The following MSI2 variants were observed in gnomAD, a reference collection of about 807,000 sequenced individuals.
MSI2 encodes the protein RNA-binding protein Musashi homolog 2.
In MSI2, 17 loss-of-function variants were observed where a neutral mutation model predicts 45.6. That is an observed-to-expected ratio of 0.37 (90% confidence interval 0.26 to 0.56). The LOEUF (loss-of-function observed/expected upper bound fraction) is 0.56. Ranked by LOEUF, MSI2 falls within the 20% of genes least tolerant of loss-of-function variation. The pLI, the probability that MSI2 is intolerant of heterozygous loss-of-function variation, is 0.77. For synonymous variants in MSI2, 156 were observed against 158.2 expected (o/e 0.99, Z 0.11); for missense variants, 293 against 444.2 (o/e 0.66, Z 3.06).
intron 7 of MSI2, among the ~76,000 whole-genome samples, chr17:57,539,907 C>T (rs1202647118): frequency 6.6e-6 from 1 of 152,178 alleles, no homozygotes; most frequent in Non-Finnish European, 1.5e-5. Context: ...ACGTGGGGAC[C>T]TTACACAGCG....
rs1340013401 is a variant in MSI2, at chr17:57,684,425, AT to A, written c.*4909del. On this transcript the variant is annotated 3_prime_UTR_variant, in exon 14 of 14. Coordinates refer to ENST00000284073, the MANE Select transcript of MSI2 (RefSeq NM_138962.4). The stretch of plus-strand genomic sequence containing the variant: ...AACTTTGGTAGTGAGTATTTTTTTT[AT>A]ATATATACATATATATGTACTATCT... 2 of 124,402 alleles carry A rather than the reference AT, an allele frequency of 1.6e-5. No homozygotes were observed. The highest frequency in any genetic ancestry group is 2.1e-4 in the East Asian group (2 of 9,498). 7.7% of individuals were successfully genotyped at this position (124,402 alleles called of 1,614,324 possible).
chr17:57,446,957 G>A (rs1029461503), intron 6 of MSI2, among the ~76,000 whole-genome samples: 2 of 152,196 alleles, frequency 1.3e-5, no homozygotes, highest in Admixed American at 6.5e-5. Flanking sequence ...CATATGCTTT[G>A]ATGCAAGGTT....
intron 5 of MSI2, among the ~76,000 whole-genome samples, chr17:57,294,391 A>G (rs960918028): frequency 4.6e-5 from 7 of 152,154 alleles, no homozygotes; most frequent in African/African-American, 1.7e-4. Context: ...AGATGTGGCA[A>G]AAGCTGGCGT....
intron 7 of MSI2, among the ~76,000 whole-genome samples, chr17:57,548,189 C>T (rs531977484): frequency 6.6e-6 from 1 of 152,312 alleles, no homozygotes; most frequent in South Asian, 2.1e-4. Flanking sequence ...GCCCTGACCA[C>T]TCCCTTCTTC....
At position 57,407,022 on chromosome 17, in the gene MSI2, G is replaced by A. The variant is rs1701937264; in HGVS notation, c.405+5551G>A. The A allele has an allele frequency of 6.6e-6, 1 of 152,178 alleles. No homozygotes were observed. The highest frequency in any genetic ancestry group is 2.1e-4 in the South Asian group (1 of 4,832). 9.4% of individuals were successfully genotyped at this position (152,178 alleles called of 1,614,324 possible). On this transcript the variant is annotated intron_variant, in intron 6 of 13. Coordinates refer to ENST00000284073, the MANE Select transcript of MSI2 (RefSeq NM_138962.4). The surrounding 1 kb of genome is among the most constrained non-coding windows in gnomAD (Gnocchi z 4.1). ...CTCTTGAGGTCTCGTCAAAGTGGGA[G>A]ATCGCTGTGGAAACCAGGTGAAAGG...
chr17:57,698,863 G>C, the MSI2 span, among the ~76,000 whole-genome samples: 1 of 149,414 alleles, frequency 6.7e-6, no homozygotes, highest in Non-Finnish European at 1.5e-5. Context: ...TCAGTTTCTT[G>C]TAAAAGATTC....
At chr17:57,677,466 G>GGGGGCC (rs1165970544) in intron 13 of MSI2, among the ~76,000 whole-genome samples, 1 of 152,198 alleles carries the variant, frequency 6.6e-6, no homozygotes, top group Non-Finnish European at 1.5e-5. Flanking sequence ...AAGCAGGGAT[G>GGGGGCC]GGGGCCAGGG....
intron 8 of MSI2, among the ~76,000 whole-genome samples, chr17:57,613,999 G>A (rs910689867): frequency 2.6e-5 from 4 of 152,132 alleles, no homozygotes; most frequent in African/African-American, 7.2e-5. Flanking sequence ...TGGGATGTGA[G>A]TATCTCCAAA....
chr17:57,437,997 A>G (rs1236191326), intron 6 of MSI2, among the ~76,000 whole-genome samples: 1 of 152,182 alleles, frequency 6.6e-6, no homozygotes, highest in Non-Finnish European at 1.5e-5. Flanking sequence ...GTGCTGTGAA[A>G]AGAAAGCACA....
chr17:57,575,126 G>T (rs971617504), intron 7 of MSI2, among the ~76,000 whole-genome samples: 1 of 151,184 alleles, frequency 6.6e-6, no homozygotes, highest in South Asian at 2.1e-4. Flanking sequence ...CACTGTGCCC[G>T]GCCGCATTCT....
At chr17:57,418,160 G>A (rs778498459) in intron 6 of MSI2, among the ~76,000 whole-genome samples, 2 of 152,208 alleles carry the variant, frequency 1.3e-5, no homozygotes, top group Non-Finnish European at 1.5e-5. Flanking sequence ...GAGTGTGGCT[G>A]TGTTCCAATT....
intron 10 of MSI2, among the ~76,000 whole-genome samples, chr17:57,651,486 C>T: frequency 6.6e-6 from 1 of 152,178 alleles, no homozygotes; most frequent in South Asian, 2.1e-4. Flanking sequence ...TATGCAATCA[C>T]CTGGGACCCC....
At chr17:57,609,460 C>G (rs982135190) in intron 8 of MSI2, among the ~76,000 whole-genome samples, 2 of 152,234 alleles carry the variant, frequency 1.3e-5, no homozygotes, top group Admixed American at 1.3e-4. Flanking sequence ...GTCTCAGACA[C>G]GACCTGTTTG....
intron 7 of MSI2, among the ~76,000 whole-genome samples, chr17:57,562,594 T>C (rs1352012561): frequency 6.6e-6 from 1 of 152,184 alleles, no homozygotes; most frequent in Non-Finnish European, 1.5e-5. Flanking sequence ...GCCAGCTTTC[T>C]GGAGGGTGGA....
chr17:57,403,976 A>T (rs990877756), intron 6 of MSI2, among the ~76,000 whole-genome samples: 2 of 152,158 alleles, frequency 1.3e-5, no homozygotes, highest in Non-Finnish European at 2.9e-5. Context: ...TGCATGAAGT[A>T]TATTCACACA....
chr17:57,502,628 T>TAG (rs2086137273), intron 6 of MSI2, among the ~76,000 whole-genome samples: 1 of 127,442 alleles, frequency 7.8e-6, no homozygotes, highest in Non-Finnish European at 1.7e-5. Context: ...TATATATATA[T>TAG]ATATATATAG....
At chr17:57,673,852 T>C (rs1321462696) in intron 11 of MSI2, among the ~76,000 whole-genome samples, 5 of 152,172 alleles carry the variant, frequency 3.3e-5, no homozygotes, top group Non-Finnish European at 5.9e-5. Flanking sequence ...GGAGTTGACA[T>C]TGCAGGATAA....
intron 10 of MSI2, among the ~76,000 whole-genome samples, chr17:57,637,108 C>T (rs1253450881): frequency 1.3e-5 from 2 of 152,238 alleles, no homozygotes; most frequent in Non-Finnish European, 2.9e-5. Flanking sequence ...ATTAGATCCA[C>T]AGCCAGATTT....
At chr17:57,425,237 G>T (rs760885606) in intron 6 of MSI2, among the ~76,000 whole-genome samples, 2 of 152,212 alleles carry the variant, frequency 1.3e-5, no homozygotes, top group Non-Finnish European at 2.9e-5. Flanking sequence ...CAGTGGTGAA[G>T]AAAGTCCCAC....
Sources: gnomAD v4.1 joint callset for allele counts (sites outside exome capture counted in the v4.1 genomes callset) on GRCh38, gnomAD v4.1.1 for gene constraint, Gnocchi (gnomAD v3.1) non-coding constraint, MANE v1.5 for transcripts, NCBI Gene and HGNC (gene_info 2026-07-23, HGNC 2026-07-21) for gene names.